Variants in CTSB observed in about 807,000 individuals in gnomAD.
CTSB encodes the protein APP secretase.
CTSB carries 57 observed loss-of-function variants against 44.3 expected under a neutral mutation model. The observed-to-expected ratio is 1.29, with a 90% confidence interval of 1.04 to 1.60. The LOEUF is 1.60. Ranked by LOEUF, CTSB falls within the 40% of genes most tolerant of loss-of-function variation. CTSB has a pLI of 0.00. For synonymous variants in CTSB, 320 were observed against 168.0 expected (o/e 1.91, Z -7.00); for missense variants, 768 against 443.0 (o/e 1.73, Z -6.59).
chr8:11,852,286 G>A (rs180789268), intron 3 of CTSB, among the ~76,000 whole-genome samples: 11 of 152,228 alleles, frequency 7.2e-5, no homozygotes, highest in East Asian at 3.9e-4. Flanking sequence ...CATGAGAATC[G>A]CTTGAACCCG....
At chr8:11,864,706 C>T (rs1042842676) in intron 1 of CTSB, among the ~76,000 whole-genome samples, 1 of 151,970 alleles carries the variant, frequency 6.6e-6, no homozygotes, top group African/African-American at 2.4e-5. Context: ...CCTGTAATCC[C>T]AACACTTTGG....
At chr8:11,851,723 G>A (rs1437189455) in intron 3 of CTSB, among the ~76,000 whole-genome samples, 1 of 151,998 alleles carries the variant, frequency 6.6e-6, no homozygotes, top group Non-Finnish European at 1.5e-5. Flanking sequence ...CACGTGGGAA[G>A]TGGCATCATC....
At position 11,844,777 on chromosome 8, in the gene CTSB, T is replaced by A. The variant is rs1803249; in HGVS notation, c.*348A>T. 9.1e-6 allele frequency: 2 copies of A among 218,796 alleles called. No homozygotes were observed. Among genetic ancestry groups the A allele is most frequent in the South Asian group, 2.6e-4 (2 of 7,774 alleles). The allele number at this position is 218,796 out of a possible 1,614,324, so 13.6% of individuals were successfully genotyped here. ...GGAACTGATGGGGGAACTTTCATCC[T>A]GTTAGGAACTCCGCTTTCCATTCCT... is the stretch of plus-strand genomic sequence containing the variant. On this transcript the variant is annotated 3_prime_UTR_variant, in exon 10 of 10. Transcript: ENST00000353047.
At chr8:11,867,414 G>A (rs1817315904) in intron 1 of CTSB, 2 of 152,410 alleles carry the variant, frequency 1.3e-5, no homozygotes, top group Non-Finnish European at 1.5e-5. Context: ...TTAACACCGT[G>A]CGGCTTCCTC....
At chr8:11,862,000 G>C (rs1361719715) in intron 1 of CTSB, among the ~76,000 whole-genome samples, 20 of 152,156 alleles carry the variant, frequency 1.3e-4, no homozygotes, top group Admixed American at 1.3e-3. Flanking sequence ...GAGGTCAGGA[G>C]ATCGAGACCA....
chr8:11,844,839 C>A lies in CTSB; in HGVS notation c.*286G>T. 2.6e-6 allele frequency: 1 copy of A among 388,686 alleles called. No homozygotes were observed. Among genetic ancestry groups the A allele is most frequent in the Non-Finnish European group, 4.7e-6 (1 of 211,878 alleles). 24.1% of individuals were successfully genotyped at this position (388,686 alleles called of 1,614,324 possible). A position where few individuals can be genotyped will look rare whatever the true frequency, so the allele number is the denominator to read the frequency against. On this transcript the variant is annotated 3_prime_UTR_variant, in exon 10 of 10. Transcript: ENST00000353047. ...TTGCTCCCTGGAGATGGATGGATCA[C>A]GGAGGGGGCCACAGTCAGCTGGGGC... is the stretch of plus-strand genomic sequence containing the variant.
Position 11,850,857 on chromosome 8 carries a change from G to C in CTSB, c.327+9C>G. 2 of 1,602,910 alleles carry C rather than the reference G, an allele frequency of 1.2e-6. No individual in the cohort carries two copies. Among genetic ancestry groups the C allele is most frequent in the Non-Finnish European group, 1.7e-6 (2 of 1,170,996 alleles). On this transcript the variant is annotated intron_variant, in intron 4 of 9. Transcript: ENST00000353047. ...TCCAGCGCTTCCCCGCCAGCCAGCA[G>C]GGCCTTACCCAGCAGGAGCCACAGG...
chr8:11,867,484 G>A (rs1817328062), intron 1 of CTSB: 1 of 152,314 alleles, frequency 6.6e-6, no homozygotes, highest in Non-Finnish European at 1.5e-5. Flanking sequence ...TGGGGTCCCA[G>A]GAATTGCGTG....
intron 3 of CTSB, 149 bp from the exon 4 acceptor site, chr8:11,851,129 A>G (rs1169259821): frequency 4.5e-6 from 2 of 439,570 alleles, no homozygotes; most frequent in East Asian, 7.6e-5. Context: ...TGTCCTTGGT[A>G]ATTTCATAAA....
intron 9 of CTSB, 131 bp from the exon 10 acceptor site, chr8:11,845,353 A>C (rs1025346404): frequency 5.6e-6 from 4 of 720,706 alleles, no homozygotes; most frequent in South Asian, 1.7e-5. Context: ...ACAGTCCTCA[A>C]CACCACAAGG....
intron 1 of CTSB, among the ~76,000 whole-genome samples, chr8:11,861,135 A>G (rs542998395): frequency 6.6e-6 from 1 of 152,242 alleles, no homozygotes; most frequent in African/African-American, 2.4e-5. Context: ...AACAAAATCC[A>G]AAGGGCTCTC....
chr8:11,857,054 C>G (rs752420179), intron 1 of CTSB, among the ~76,000 whole-genome samples: 1 of 152,150 alleles, frequency 6.6e-6, no homozygotes, highest in Non-Finnish European at 1.5e-5. Flanking sequence ...ATGGGAGTCT[C>G]GCTCTGTGGC....
chr8:11,861,845 T>A (rs1342843274), intron 1 of CTSB, among the ~76,000 whole-genome samples: 1 of 152,114 alleles, frequency 6.6e-6, no homozygotes, highest in African/African-American at 2.4e-5. Context: ...ACACGGCGGT[T>A]CCCTAATTCA....
chr8:11,855,720 CAG>C (rs1402179003), intron 1 of CTSB, among the ~76,000 whole-genome samples: 1 of 152,002 alleles, frequency 6.6e-6, no homozygotes, highest in Non-Finnish European at 1.5e-5. Flanking sequence ...ATGGCCAACA[CAG>C]ATAAAAATAA....
intron 6 of CTSB, 121 bp downstream of exon 6, chr8:11,847,946 G>C (rs554075031): frequency 3.7e-6 from 5 of 1,346,260 alleles, no homozygotes; most frequent in East Asian, 2.3e-5. Context: ...TGTGCACCTG[G>C]CTAGCACCTC....
intron 8 of CTSB, among the ~76,000 whole-genome samples, chr8:11,846,585 G>A (rs1340444299): frequency 1.3e-5 from 2 of 152,206 alleles, no homozygotes; most frequent in Non-Finnish European, 2.9e-5. Flanking sequence ...CTCCCTGTGT[G>A]TTCATCCACT....
intron 9 of CTSB, 42 bp from the exon 10 acceptor site, chr8:11,845,264 T>C (rs961951973): frequency 1.4e-6 from 2 of 1,441,264 alleles, no homozygotes; most frequent in African/African-American, 1.4e-5. Flanking sequence ...GTGACAAGGG[T>C]CAACCAATAT....
At position 11,847,708 on chromosome 8, in the gene CTSB, C is replaced by G. The variant is rs550637319; in HGVS notation, c.647G>C (p.Ser216Thr). The change falls in exon 7 of 10, where the codon AGC becomes ACC. Residue 216 changes from serine to threonine, a missense_variant. Physicochemically the swap from Ser to Thr is moderately conservative, Grantham distance 58. Coordinates refer to ENST00000353047, the MANE Select transcript of CTSB (RefSeq NM_001908.5). ...KCSKICEPGYSPTYKQDKHYG... is the reference protein window; with the variant it reads ...KCSKICEPGYTPTYKQDKHYG... ...GTGCTTGTCCTGTTTGTAGGTCGGG[C>G]TGTAGCCAGGCTCACAGATCTTGCT... 3 of 1,587,152 alleles carry G rather than the reference C, an allele frequency of 1.9e-6. No homozygotes were observed. The highest frequency in any genetic ancestry group is 3.8e-5 in the Admixed American group (2 of 53,176).
intron 1 of CTSB, among the ~76,000 whole-genome samples, chr8:11,858,513 C>T (rs542359059): frequency 6.6e-6 from 1 of 152,170 alleles, no homozygotes; most frequent in South Asian, 2.1e-4. Flanking sequence ...TGGTCTCAAA[C>T]TCCTGGACTC....
Sources: allele counts gnomAD v4.1 joint callset (sites outside exome capture counted in the v4.1 genomes callset), GRCh38; gene constraint gnomAD v4.1.1; transcripts MANE v1.5; gene names NCBI Gene and HGNC (gene_info 2026-07-23, HGNC 2026-07-21).